The following AKR1C3 variants were observed in gnomAD, a reference collection of about 807,000 sequenced individuals.
AKR1C3 encodes aldo-keto reductase family 1 member C3.
Under a neutral mutation model 43.6 loss-of-function variants are expected in AKR1C3, and 48 were observed. The ratio of observed to expected loss-of-function variants is 1.10; its 90% CI spans 0.87 to 1.40. AKR1C3 has a LOEUF of 1.40. Among genes scored for constraint, AKR1C3 ranks in the 40% most tolerant of loss-of-function variants. The pLI, the probability that AKR1C3 is intolerant of heterozygous loss-of-function variation, is 0.00. For synonymous variants in AKR1C3, 162 were observed against 139.6 expected (o/e 1.16, Z -1.13); for missense variants, 482 against 391.2 (o/e 1.23, Z -1.96).
Position 5,105,726 on chromosome 10 carries a change from A to G in AKR1C3, c.929+49A>G, listed in dbSNP as rs35859199. 4.7e-4 allele frequency: 679 copies of G among 1,452,346 alleles called. 3 individuals are homozygous for G. The African/African-American group carries it at 8.5e-3, about 18-fold the overall frequency. The allele number at this position is 1,452,346 out of a possible 1,614,324, so 90.0% of individuals were successfully genotyped here. On this transcript the variant is annotated intron_variant, in intron 8 of 8. Transcript: ENST00000380554. ...GATCTAATTTATTTCTGGAGAAGGA[A>G]TGTAGGATGGGTGTTGAGAGTGACC...
chr10:5,099,541 T>G, intron 5 of AKR1C3, 92 bp downstream of exon 5: 1 of 1,582,052 alleles, frequency 6.3e-7, no homozygotes, highest in Non-Finnish European at 8.6e-7. Flanking sequence ...CCCAGTTATC[T>G]TTGTGAAGTA....
intron 1 of AKR1C3, among the ~76,000 whole-genome samples, chr10:5,061,325 A>G (rs1346368422): frequency 6.6e-6 from 1 of 152,194 alleles, no homozygotes; most frequent in African/African-American, 2.4e-5. Flanking sequence ...TATTTGAGGA[A>G]CAAGAAAACA....
chr10:5,096,179 T>C (rs1839202474), intron 1 of AKR1C3: 1 of 420,996 alleles, frequency 2.4e-6, no homozygotes, highest in Non-Finnish European at 4.2e-6. Context: ...GAGGGTGTTA[T>C]TTGGTACCTC....
At chr10:5,081,739 C>G (rs1395085483) in intron 1 of AKR1C3, 1 of 152,232 alleles carries the variant, frequency 6.6e-6, no homozygotes, top group Non-Finnish European at 1.5e-5. Flanking sequence ...TGTCTCTCCC[C>G]TGAGGCTTCT....
At chr10:5,057,043 C>T (rs573940243) in intron 1 of AKR1C3, among the ~76,000 whole-genome samples, 9 of 152,286 alleles carry the variant, frequency 5.9e-5, no homozygotes, top group South Asian at 2.1e-4. Flanking sequence ...CATGAGCTGA[C>T]GCTTGCCCTG....
chr10:5,069,998 G>A (rs3905460), intron 1 of AKR1C3, among the ~76,000 whole-genome samples: 146,232 of 152,316 alleles, frequency 0.96, 70,227 homozygotes, highest in East Asian at 0.99. Flanking sequence ...TCAAGGAGCT[G>A]CTAGAAAGCA....
intron 1 of AKR1C3, among the ~76,000 whole-genome samples, chr10:5,067,322 AC>A (rs1838527781): frequency 6.6e-6 from 1 of 152,204 alleles, no homozygotes; most frequent in Non-Finnish European, 1.5e-5. Context: ...AAAGATATTC[AC>A]ATCAAGGATG....
chr10:5,049,051 A>G (rs1838096246), intron 1 of AKR1C3, among the ~76,000 whole-genome samples: 1 of 152,240 alleles, frequency 6.6e-6, no homozygotes, highest in African/African-American at 2.4e-5. Flanking sequence ...ACAAAGAGAA[A>G]AAGTCAACCT....
rs550572763 is a variant in AKR1C3 at position 5,057,452 on chromosome 10, C to G, written c.84+8557C>G. ...GCCCAGGGCTTGCTTTTGGAGCTTT[C>G]TCCTGATATCTGTGGCTGATTGGGT... On this transcript the variant is annotated intron_variant, in intron 1 of 8. Transcript: ENST00000439082. Among the ~76,000 whole-genome samples, 299 of 152,278 alleles carry G rather than the reference C, an allele frequency of 2.0e-3. 2 individuals carry two copies. The highest frequency in any genetic ancestry group is 6.3e-3 in the African/African-American group (263 of 41,544).
At position 5,098,852 on chromosome 10, in the gene AKR1C3, C is replaced by T; in HGVS notation, c.420C>T (p.Asp140=). 6.2e-7 allele frequency: 1 copy of T among 1,613,582 alleles called. No homozygotes were observed. Among genetic ancestry groups the T allele is most frequent in the Non-Finnish European group, 8.5e-7 (1 of 1,179,804 alleles). ...ATGAAAATGGAAAAGTAATATTTGACATAGTGGATCTCTGTACCACCTGGG... is the reference window on the plus strand; with the variant it reads ...ATGAAAATGGAAAAGTAATATTTGATATAGTGGATCTCTGTACCACCTGGG... The part of the protein sequence containing the change: ...PTDENGKVIF[D]IVDLCTTWEA... The change falls in exon 4 of 9, where the codon GAC becomes GAT. Residue 140 remains aspartate, a synonymous_variant. Coordinates refer to ENST00000380554, the MANE Select transcript of AKR1C3 (RefSeq NM_003739.6).
At chr10:5,071,398 A>T (rs573618955) in intron 1 of AKR1C3, among the ~76,000 whole-genome samples, 1 of 152,316 alleles carries the variant, frequency 6.6e-6, no homozygotes, top group East Asian at 1.9e-4. Flanking sequence ...TCCAAAGAGC[A>T]TGAGGACCAA....
chr10:5,092,047 A>T (rs980591020), upstream of AKR1C3, among the ~76,000 whole-genome samples: 13 of 145,332 alleles, frequency 8.9e-5, no homozygotes, highest in Non-Finnish European at 1.8e-4. Flanking sequence ...ATTAAAAAAA[A>T]ATTTTTGCCA....
chr10:5,091,201 CA>C (rs1839080973), upstream of AKR1C3, among the ~76,000 whole-genome samples: 1 of 151,292 alleles, frequency 6.6e-6, no homozygotes. Flanking sequence ...GAGAACTTAG[CA>C]GAGAGAAAAA....
chr10:5,107,427 A>T, intron 8 of AKR1C3, 34 bp from the exon 9 acceptor site: 10 of 1,433,984 alleles, frequency 7.0e-6, no homozygotes, highest in Non-Finnish European at 8.8e-6. Context: ...TAATGGAGTC[A>T]TTGCATTTAT....
intron 7 of AKR1C3, among the ~76,000 whole-genome samples, chr10:5,102,946 G>A (rs7090071): frequency 0.016 from 2,372 of 146,868 alleles, 57 homozygotes; most frequent in African/African-American, 0.056. Flanking sequence ...TTTGGTTTTG[G>A]TTTTTTTTTT....
At chr10:5,078,008 AT>A in intron 1 of AKR1C3, 1 of 682,002 alleles carries the variant, frequency 1.5e-6, no homozygotes, top group Non-Finnish European at 2.6e-6. Context: ...AAGATGTGAC[AT>A]TGTCAGTGAG....
chr10:5,094,926 C>G (rs1482633126), intron 1 of AKR1C3, among the ~76,000 whole-genome samples: 3 of 152,050 alleles, frequency 2.0e-5, no homozygotes, highest in Admixed American at 2.0e-4. Context: ...ATACTTATAG[C>G]AAAAATTACT....
At chr10:5,096,810 C>G (rs782533612) in intron 2 of AKR1C3, among the ~76,000 whole-genome samples, 14 of 152,140 alleles carry the variant, frequency 9.2e-5, no homozygotes, top group Non-Finnish European at 1.9e-4. Flanking sequence ...TGAGCTTCAG[C>G]TGAGATCAGT....
chr10:5,105,421 CT>C (rs1839475338), intron 7 of AKR1C3, 173 bp from the exon 8 acceptor site: 1 of 515,712 alleles, frequency 1.9e-6, no homozygotes, highest in Admixed American at 3.3e-5. Context: ...GAATGGATTT[CT>C]GCTTATTTTT....
Sources: allele counts gnomAD v4.1 joint callset (sites outside exome capture counted in the v4.1 genomes callset), GRCh38; gene constraint gnomAD v4.1.1; transcripts MANE v1.5; gene names NCBI Gene and HGNC (gene_info 2026-07-23, HGNC 2026-07-21).